GABRB2: variants seen among roughly 807,000 people sequenced by gnomAD.
GABRB2 encodes gamma-aminobutyric acid type A receptor subunit beta2, also known as gamma-aminobutyric acid receptor subunit beta-2.
In GABRB2, 16 loss-of-function variants were observed where a neutral mutation model predicts 54.7. The ratio of observed to expected loss-of-function variants is 0.29; its 90% CI spans 0.20 to 0.44. The LOEUF (loss-of-function observed/expected upper bound fraction) is 0.44. GABRB2 is among the 20% of genes least tolerant of loss of function. The pLI, the probability that GABRB2 is intolerant of heterozygous loss-of-function variation, is 1.00. For synonymous variants in GABRB2, 244 were observed against 233.8 expected (o/e 1.04, Z -0.40); for missense variants, 355 against 644.0 (o/e 0.55, Z 4.86).
intron 9 of GABRB2, among the ~76,000 whole-genome samples, chr5:161,296,644 A>G (rs10072438): frequency 0.018 from 2,703 of 150,758 alleles, 91 homozygotes; most frequent in African/African-American, 0.06. Flanking sequence ...TATTAGTTAC[A>G]TAATTTTTTA....
intron 5 of GABRB2, among the ~76,000 whole-genome samples, chr5:161,387,578 G>T (rs1755685642): frequency 6.6e-6 from 1 of 152,102 alleles, no homozygotes; most frequent in Admixed American, 6.6e-5. Flanking sequence ...AGGTATATAT[G>T]CCACACAGAA....
intron 3 of GABRB2, among the ~76,000 whole-genome samples, chr5:161,521,773 A>T (rs1760122948): frequency 6.6e-6 from 1 of 151,910 alleles, no homozygotes; most frequent in Non-Finnish European, 1.5e-5. Flanking sequence ...CCATATCTAA[A>T]CCAACTTATG....
At position 161,390,115 on chromosome 5, in the gene GABRB2, T is replaced by C. The variant is rs577104678; in HGVS notation, c.541+20860A>G. 2.4e-4 allele frequency among the ~76,000 whole-genome samples: 37 copies of C among 152,070 alleles called. 1 individual carries two copies. The highest frequency in any genetic ancestry group is 2.1e-3 in the Admixed American group (32 of 15,238). ...GCATATGACAAACTTACAACCCATA[T>C]GTAAACTAATAGATAATTAGGCCAG... On this transcript the variant is annotated intron_variant, in intron 5 of 9. Coordinates refer to ENST00000393959, the MANE Select transcript of GABRB2 (RefSeq NM_001371727.1).
intron 4 of GABRB2, among the ~76,000 whole-genome samples, chr5:161,433,731 T>TC (rs1757236083): frequency 6.6e-6 from 1 of 152,212 alleles, no homozygotes; most frequent in South Asian, 2.1e-4. Flanking sequence ...TTCATTCAAC[T>TC]TTATTAAAAT....
At chr5:161,507,792 A>T (rs1759652681) in intron 3 of GABRB2, among the ~76,000 whole-genome samples, 1 of 152,102 alleles carries the variant, frequency 6.6e-6, no homozygotes, top group South Asian at 2.1e-4. Context: ...GCAAATTAAA[A>T]CCACAATGAG....
intron 4 of GABRB2, among the ~76,000 whole-genome samples, chr5:161,457,441 C>T (rs1757987944): frequency 6.6e-6 from 1 of 151,296 alleles, no homozygotes; most frequent in South Asian, 2.1e-4. Flanking sequence ...CCTTTTCCCT[C>T]TCAATTCTTT....
intron 3 of GABRB2, among the ~76,000 whole-genome samples, chr5:161,523,771 T>C (rs1012888550): frequency 5.3e-5 from 8 of 151,514 alleles, no homozygotes; most frequent in South Asian, 2.1e-4. Context: ...GTCACCTCCA[T>C]TGCTACACAG....
intron 3 of GABRB2, among the ~76,000 whole-genome samples, chr5:161,518,823 C>T (rs186038012): frequency 3.3e-4 from 50 of 152,214 alleles, no homozygotes; most frequent in Middle Eastern, 3.4e-3. Context: ...TGACAAACTG[C>T]AATTTATAAA....
chr5:161,306,829 A>G (rs2113355555), intron 9 of GABRB2, among the ~76,000 whole-genome samples: 1 of 152,228 alleles, frequency 6.6e-6, no homozygotes, highest in African/African-American at 2.4e-5. Context: ...GAACTGACTC[A>G]GCACTAATTA....
chr5:161,304,973 GGAA>G (rs998010543), intron 9 of GABRB2, among the ~76,000 whole-genome samples: 3 of 151,172 alleles, frequency 2.0e-5, no homozygotes, highest in African/African-American at 7.3e-5. Flanking sequence ...AAGGAAAAGG[GGAA>G]GAAAACTATA....
chr5:161,514,736 C>T (rs747968872), intron 3 of GABRB2, among the ~76,000 whole-genome samples: 1 of 152,132 alleles, frequency 6.6e-6, no homozygotes, highest in Non-Finnish European at 1.5e-5. Context: ...TGAGGTCTCC[C>T]AGATGTCTCA....
chr5:161,348,941 G>C (rs1443493168), intron 5 of GABRB2, among the ~76,000 whole-genome samples: 1 of 151,994 alleles, frequency 6.6e-6, no homozygotes, highest in East Asian at 1.9e-4. Context: ...ATTCATATCA[G>C]ACTATCAACC....
intron 4 of GABRB2, among the ~76,000 whole-genome samples, chr5:161,448,291 T>A (rs1164429745): frequency 2.0e-5 from 3 of 152,028 alleles, no homozygotes; most frequent in Non-Finnish European, 2.9e-5. Context: ...GATGTAGTGG[T>A]GTGCACCTGT....
chr5:161,430,854 A>G (rs1190346879), intron 4 of GABRB2, among the ~76,000 whole-genome samples: 2 of 152,134 alleles, frequency 1.3e-5, no homozygotes, highest in African/African-American at 4.8e-5. Flanking sequence ...ATTTCATACT[A>G]TGGTAAAGCA....
At chr5:161,532,121 C>T (rs1581063482) in intron 3 of GABRB2, among the ~76,000 whole-genome samples, 1 of 152,204 alleles carries the variant, frequency 6.6e-6, no homozygotes, top group East Asian at 1.9e-4. Flanking sequence ...GGGATGAATG[C>T]TTGGGTGGTC....
At chr5:161,425,824 T>G (rs556252007) in intron 4 of GABRB2, among the ~76,000 whole-genome samples, 169 of 152,244 alleles carry the variant, frequency 1.1e-3, no homozygotes, top group African/African-American at 4.0e-3. Flanking sequence ...GTACCATCTT[T>G]CTCCTAGCAA....
chr5:161,323,421 C>T (rs941464005), intron 9 of GABRB2, among the ~76,000 whole-genome samples: 1 of 152,144 alleles, frequency 6.6e-6, no homozygotes, highest in African/African-American at 2.4e-5. Context: ...GCATAGCTGT[C>T]ATGCTGTTTC....
At chr5:161,503,810 C>G (rs1272933565) in intron 3 of GABRB2, among the ~76,000 whole-genome samples, 2 of 151,534 alleles carry the variant, frequency 1.3e-5, no homozygotes, top group Non-Finnish European at 1.5e-5. Flanking sequence ...TTTATTTGCC[C>G]TTCATAAGAG....
intron 9 of GABRB2, among the ~76,000 whole-genome samples, chr5:161,315,886 G>A (rs764500720): frequency 6.6e-6 from 1 of 152,114 alleles, no homozygotes; most frequent in African/African-American, 2.4e-5. Context: ...ACATTAAATT[G>A]TTGCTAACAC....
Sources: allele counts gnomAD v4.1 joint callset (sites outside exome capture counted in the v4.1 genomes callset), GRCh38; gene constraint gnomAD v4.1.1; transcripts MANE v1.5; gene names NCBI Gene and HGNC (gene_info 2026-07-23, HGNC 2026-07-21).